Variants in OCM observed in about 807,000 individuals in gnomAD.
The protein encoded by OCM is oncomodulin.
In OCM, 18 loss-of-function variants were observed where a neutral mutation model predicts 14.1. That is an observed-to-expected ratio of 1.28 (90% CI 0.88 to 1.89). OCM has a LOEUF of 1.89. Ranked by LOEUF, OCM falls within the 40% of genes most tolerant of loss-of-function variation. The pLI is 0.00. For missense variants in OCM, 140 were observed against 137.6 expected (o/e 1.02, Z -0.09); for synonymous variants, 48 against 51.0 (o/e 0.94, Z 0.25).
chr7:5,873,985 G>A, the OCM span, among the ~76,000 whole-genome samples: 83 of 151,546 alleles, frequency 5.5e-4, no homozygotes, highest in Admixed American at 4.7e-3. Context: ...GGAGGCTGAG[G>A]GGGGCGGACT....
chr7:5,880,665 A>C, upstream of OCM: 3 of 475,888 alleles, frequency 6.3e-6, no homozygotes, highest in African/African-American at 3.9e-5. Context: ...AGGCTTAGGC[A>C]GGAGAATCAC....
the OCM span, among the ~76,000 whole-genome samples, chr7:5,860,463 A>G: frequency 9.5e-6 from 1 of 105,354 alleles, no homozygotes; most frequent in African/African-American, 4.1e-5. Context: ...GTATATTATT[A>G]CGTATATATA....
chr7:5,880,429 G>A (rs12668646), upstream of OCM, among the ~76,000 whole-genome samples: 12,033 of 151,724 alleles, frequency 0.079, 702 homozygotes, highest in East Asian at 0.25. Context: ...ATTCTGTCCC[G>A]TCACTTAATA....
intron 3 of OCM, among the ~76,000 whole-genome samples, chr7:5,884,778 T>C (rs1279427393): frequency 2.6e-5 from 4 of 151,444 alleles, no homozygotes; most frequent in South Asian, 2.1e-4. Context: ...TTAATGCAGA[T>C]AGATAGCTCA....
At chr7:5,876,252 C>G (rs1347574161), upstream of OCM, among the ~76,000 whole-genome samples, 1 of 152,078 alleles carries the variant, frequency 6.6e-6, no homozygotes, top group Non-Finnish European at 1.5e-5. Flanking sequence ...AATCCACGTG[C>G]CTCGGCCTCC....
the OCM span, among the ~76,000 whole-genome samples, chr7:5,863,370 T>A: frequency 6.6e-6 from 1 of 151,940 alleles, no homozygotes; most frequent in Non-Finnish European, 1.5e-5. Flanking sequence ...CCTTTTTCGG[T>A]TAATATTATG....
At chr7:5,885,955 T>C (rs995253802) in intron 3 of OCM, 109 bp from the exon 4 acceptor site, 1 of 1,335,194 alleles carries the variant, frequency 7.5e-7, no homozygotes, top group African/African-American at 1.4e-5. Flanking sequence ...GCCCATCATC[T>C]GACAATTTTC....
At chr7:5,860,782 G>GTA in the OCM span, among the ~76,000 whole-genome samples, 1 of 119,520 alleles carries the variant, frequency 8.4e-6, no homozygotes, top group Non-Finnish European at 1.6e-5. Flanking sequence ...ATATATACGT[G>GTA]TATATATACA....
the OCM span, chr7:5,872,048 G>C: frequency 6.6e-6 from 1 of 152,232 alleles, no homozygotes. Context: ...CACTGCGCCC[G>C]GCAGGACTTG....
the OCM span, among the ~76,000 whole-genome samples, chr7:5,872,687 A>G: frequency 6.6e-6 from 1 of 152,240 alleles, no homozygotes; most frequent in Non-Finnish European, 1.5e-5. Context: ...CATGCGCGTT[A>G]AGAGTCATCA....
chr7:5,860,861 C>G, the OCM span, among the ~76,000 whole-genome samples: 1 of 147,110 alleles, frequency 6.8e-6, no homozygotes, highest in African/African-American at 2.5e-5. Flanking sequence ...TATACATATA[C>G]ATATATATAT....
the OCM span, among the ~76,000 whole-genome samples, chr7:5,869,929 G>T: frequency 6.6e-6 from 1 of 152,128 alleles, no homozygotes; most frequent in Non-Finnish European, 1.5e-5. Flanking sequence ...TGTGTGAATT[G>T]CAAGTGAAAC....
the OCM span, among the ~76,000 whole-genome samples, chr7:5,872,636 T>C: frequency 6.6e-6 from 1 of 152,074 alleles, no homozygotes; most frequent in Non-Finnish European, 1.5e-5. Context: ...AAATGGATGA[T>C]GGGGCAAGAT....
chr7:5,878,724 G>A (rs1382518282), upstream of OCM, among the ~76,000 whole-genome samples: 6 of 151,440 alleles, frequency 4.0e-5, no homozygotes, highest in Non-Finnish European at 7.4e-5. Flanking sequence ...TCCAGCCTGG[G>A]CGACAGAATT....
upstream of OCM, among the ~76,000 whole-genome samples, chr7:5,879,464 T>C (rs1247863639): frequency 6.6e-6 from 1 of 152,114 alleles, no homozygotes; most frequent in African/African-American, 2.4e-5. Context: ...AACTCCAGAC[T>C]GAGGTCAGCC....
chr7:5,885,736 A>G (rs2345660), intron 3 of OCM, among the ~76,000 whole-genome samples: 30,653 of 151,048 alleles, frequency 0.2, 3,403 homozygotes, highest in East Asian at 0.48. Context: ...TCAGCCTCCC[A>G]AGTAGCTGGG....
chr7:5,865,177 GC>G, the OCM span, among the ~76,000 whole-genome samples: 61 of 151,882 alleles, frequency 4.0e-4, no homozygotes, highest in African/African-American at 1.4e-3. Flanking sequence ...CAGCGTCGGG[GC>G]CGACGAGTAG....
rs759896537 is a variant in OCM, at chr7:5,880,937, C to T, written c.48C>T (p.Leu16=). Residue 16 remains leucine (L), a synonymous_variant, in exon 1 of 4, where the codon CTC becomes CTT. Transcript: ENST00000242104. The part of the protein sequence containing the change: ...VLSADDIAAA[L]QECRDPDTFE... ...GTGCTGACGACATTGCAGCAGCGCTCCAGGAATGCCGAGGTAGAGGGGACG... is the reference window on the plus strand; with the variant it reads ...GTGCTGACGACATTGCAGCAGCGCTTCAGGAATGCCGAGGTAGAGGGGACG... The T allele has an allele frequency of 3.7e-6, 6 of 1,613,850 alleles. No individual in the cohort carries two copies. The South Asian group carries it at 6.6e-5, about 18-fold the overall frequency.
chr7:5,882,607 T>C lies in OCM; in HGVS notation c.176T>C (p.Leu59Pro). Residue 59 changes from leucine (L) to proline (P), a missense_variant, in exon 2 of 4, where the codon CTG becomes CCG. Transcript: ENST00000242104. ...ATAGACAACGACCAGAGCGGGTACC[T>C]GGATGAAGAAGAGCTTAAGTAAGCT... ...RFIDNDQSGY[L>P]DEEELKFFLQ... 1 of 1,614,118 alleles carries C rather than the reference T, an allele frequency of 6.2e-7. No individual in the cohort carries two copies. The highest frequency in any genetic ancestry group is 8.5e-7 in the Non-Finnish European group (1 of 1,180,020).
Sources: allele counts gnomAD v4.1 joint callset (sites outside exome capture counted in the v4.1 genomes callset), GRCh38; gene constraint gnomAD v4.1.1; transcripts MANE v1.5; gene names NCBI Gene and HGNC (gene_info 2026-07-23, HGNC 2026-07-21).